PLCB4: variants seen among roughly 807,000 people sequenced by gnomAD.
PLCB4 encodes the protein phospholipase C beta 4, also known as 1-phosphatidylinositol 4,5-bisphosphate phosphodiesterase beta-4.
In PLCB4, 77 loss-of-function variants were observed where a neutral mutation model predicts 178.8. That is an observed-to-expected ratio of 0.43 (90% CI 0.36 to 0.52). The LOEUF is 0.52. Among genes scored for constraint, PLCB4 ranks in the 20% least tolerant of loss-of-function variants. The pLI, the probability that PLCB4 is intolerant of heterozygous loss-of-function variation, is 0.00. For missense variants in PLCB4, 1,024 were observed against 1,453.4 expected, an observed-to-expected ratio of 0.70 and a Z score of 4.80; for synonymous variants, 496 against 490.8, an observed-to-expected ratio of 1.01 and a Z score of -0.14.
At chr20:9,384,603 CA>C (rs1274984620) in intron 14 of PLCB4, among the ~76,000 whole-genome samples, 192 bp downstream of exon 14, 1 of 152,080 alleles carries the variant, frequency 6.6e-6, no homozygotes, top group Non-Finnish European at 1.5e-5. Context: ...TTCAGTCATC[CA>C]AAAGACTTTA....
chr20:9,406,269 A>G (rs2039429758), intron 21 of PLCB4, among the ~76,000 whole-genome samples: 1 of 152,176 alleles, frequency 6.6e-6, no homozygotes, highest in South Asian at 2.1e-4. Context: ...TGCTCAGCTC[A>G]TAGCACTGGT....
intron 2 of PLCB4, among the ~76,000 whole-genome samples, chr20:9,197,597 A>C (rs2093488219): frequency 6.6e-6 from 1 of 152,230 alleles, no homozygotes; most frequent in South Asian, 2.1e-4. Flanking sequence ...TTTTTATTGA[A>C]TATTGCTGCC....
chr20:9,399,879 A>G (rs759542736), intron 19 of PLCB4, among the ~76,000 whole-genome samples: 13 of 152,234 alleles, frequency 8.5e-5, no homozygotes, highest in Non-Finnish European at 1.3e-4. Flanking sequence ...TACTGACTGT[A>G]GGTCATGGAA....
intron 3 of PLCB4, among the ~76,000 whole-genome samples, chr20:9,269,299 G>A (rs992879212): frequency 6.6e-6 from 1 of 152,134 alleles, no homozygotes; most frequent in Non-Finnish European, 1.5e-5. Flanking sequence ...CCACAGCTAA[G>A]GATGGAATGC....
At position 9,262,109 on chromosome 20, in the gene PLCB4, C is replaced by T. The variant is rs578254160; in HGVS notation, c.-16+44657C>T. Among the ~76,000 whole-genome samples the T allele has an allele frequency of 7.2e-5, 11 of 152,236 alleles. No individual in the cohort carries two copies. In the East Asian group the frequency reaches 7.7e-4, roughly 11 times the overall value. The stretch of plus-strand genomic sequence containing the variant: ...GGGAATTTGGAATTGTGTCTTCTAT[C>T]GTCAGTTGAATGAATGGGATAGGCT... On this transcript the variant is annotated intron_variant, in intron 3 of 39. Coordinates refer to ENST00000378473, the MANE Select transcript of PLCB4 (RefSeq NM_001377142.1).
In PLCB4 at chr20:9,307,828, A is replaced by T; in HGVS notation, c.14A>T (p.Tyr5Phe). The change falls in exon 4 of 40, where the codon TAT (tyrosine) becomes TTT (phenylalanine). Residue 5 changes from tyrosine (Y) to phenylalanine (F), a missense_variant. Physicochemically the swap from Tyr to Phe is conservative, Grantham distance 22. This residue lies in a region of PLCB4 where 225 missense variants were observed against 291.0 expected (regional missense o/e 0.77). Coordinates refer to ENST00000378473, the MANE Select transcript of PLCB4 (RefSeq NM_001377142.1). MAKPYEFNWQKEVPS... is the reference protein window; with the variant it reads MAKPFEFNWQKEVPS... ...TTGAATATAATCATGGCCAAACCTTATGAATTTAACTGGCAGAAGGAAGTT... is the reference window on the plus strand; with the variant it reads ...TTGAATATAATCATGGCCAAACCTTTTGAATTTAACTGGCAGAAGGAAGTT... 6.3e-7 allele frequency: 1 copy of T among 1,597,446 alleles called. No individual in the cohort carries two copies. Among genetic ancestry groups the T allele is most frequent in the Non-Finnish European group, 8.6e-7 (1 of 1,166,604 alleles).
intron 7 of PLCB4, among the ~76,000 whole-genome samples, chr20:9,343,887 G>GTATCCAGAATCCAGCTGCTCCTCACCAAC (rs2033512147): frequency 6.6e-6 from 1 of 152,128 alleles, no homozygotes; most frequent in African/African-American, 2.4e-5. Flanking sequence ...CCCTCAGCAG[G>GTATCCAGAATCCAGCTGCTCCTCACCAAC]TATCCAGAAT....
intron 2 of PLCB4, among the ~76,000 whole-genome samples, chr20:9,169,693 T>C (rs558859852): frequency 2.6e-4 from 40 of 152,292 alleles, no homozygotes; most frequent in African/African-American, 8.7e-4. Flanking sequence ...AGTGGGGTGT[T>C]GGTGTGATAC....
At chr20:9,334,807 AG>A (rs1168877721) in intron 4 of PLCB4, among the ~76,000 whole-genome samples, 1 of 152,092 alleles carries the variant, frequency 6.6e-6, no homozygotes, top group African/African-American at 2.4e-5. Flanking sequence ...AGAACTGTAG[AG>A]CTAGGGGCTA....
intron 2 of PLCB4, among the ~76,000 whole-genome samples, chr20:9,126,038 G>A (rs1356153021): frequency 6.6e-6 from 1 of 152,040 alleles, no homozygotes; most frequent in African/African-American, 2.4e-5. Flanking sequence ...GTGTGTGTGT[G>A]TAAAAGTAAA....
intron 2 of PLCB4, among the ~76,000 whole-genome samples, chr20:9,175,727 C>A (rs183151342): frequency 4.7e-4 from 71 of 152,276 alleles, no homozygotes; most frequent in African/African-American, 1.6e-3. Context: ...CCCTCATCTG[C>A]CTCCTGCAGA....
At chr20:9,457,778 C>G (rs943184474) in intron 34 of PLCB4, among the ~76,000 whole-genome samples, 3 of 151,978 alleles carry the variant, frequency 2.0e-5, no homozygotes, top group Non-Finnish European at 4.4e-5. Context: ...AATGAAGATA[C>G]TAAAAGGAAA....
intron 2 of PLCB4, among the ~76,000 whole-genome samples, chr20:9,101,070 C>T (rs917614360): frequency 6.6e-6 from 1 of 152,020 alleles, no homozygotes; most frequent in Admixed American, 6.6e-5. Flanking sequence ...GAACCATCAC[C>T]CCAGGGACAG....
chr20:9,476,415 A>G (rs762016490), intron 38 of PLCB4, among the ~76,000 whole-genome samples: 1 of 152,162 alleles, frequency 6.6e-6, no homozygotes, highest in African/African-American at 2.4e-5. Context: ...CATCAATCCT[A>G]TCATTTAATA....
At chr20:9,308,753 G>T (rs73897358) in intron 4 of PLCB4, among the ~76,000 whole-genome samples, 1,738 of 152,244 alleles carry the variant, frequency 0.011, 27 homozygotes, top group African/African-American at 0.04. Flanking sequence ...TGATATTTCT[G>T]CAGGGTGCAT....
intron 27 of PLCB4, among the ~76,000 whole-genome samples, chr20:9,423,224 T>G (rs953492778): frequency 6.6e-6 from 1 of 152,252 alleles, no homozygotes; most frequent in African/African-American, 2.4e-5. Flanking sequence ...CCCAAATTTA[T>G]GTACAAAAGT....
chr20:9,180,778 C>T (rs2093233453), intron 2 of PLCB4, among the ~76,000 whole-genome samples: 2 of 152,164 alleles, frequency 1.3e-5, no homozygotes, highest in Non-Finnish European at 2.9e-5. Flanking sequence ...AAAAGCTCCT[C>T]AGATTTCCCA....
chr20:9,351,489 T>A (rs1471071310), intron 7 of PLCB4, among the ~76,000 whole-genome samples: 1 of 152,216 alleles, frequency 6.6e-6, no homozygotes, highest in African/African-American at 2.4e-5. Flanking sequence ...AACAATGATG[T>A]AATCTAAGGA....
At chr20:9,281,714 C>T (rs16995716) in intron 3 of PLCB4, among the ~76,000 whole-genome samples, 37,481 of 151,652 alleles carry the variant, frequency 0.25, 4,959 homozygotes, top group East Asian at 0.37. Flanking sequence ...ATTGGGAATA[C>T]GTTATATTTT....
Sources: gnomAD v4.1 joint callset for allele counts (sites outside exome capture counted in the v4.1 genomes callset) on GRCh38, gnomAD v4.1.1 for gene constraint, gnomAD v4.1.1 regional missense constraint, MANE v1.5 for transcripts, NCBI Gene and HGNC (gene_info 2026-07-23, HGNC 2026-07-21) for gene names.